LIMCH1: variants seen among roughly 807,000 people sequenced by gnomAD.
LIMCH1 encodes LIM and calponin homology domains 1.
A neutral mutation model predicts 176.5 loss-of-function variants in LIMCH1; 113 were observed. The ratio of observed to expected loss-of-function variants is 0.64; its 90% CI spans 0.55 to 0.75. The LOEUF (loss-of-function observed/expected upper bound fraction) is 0.75. LIMCH1 is among the 30% of genes least tolerant of loss of function. The probability of loss-of-function intolerance (pLI) is 0.00; values close to 1 mark genes in which losing one functional copy is unlikely to be tolerated. For synonymous variants in LIMCH1, 619 were observed against 645.9 expected (o/e 0.96, Z 0.63); for missense variants, 1,674 against 1,814.9 (o/e 0.92, Z 1.41).
In LIMCH1 at chr4:41,646,614, G is replaced by A; in HGVS notation, c.2541G>A (p.Met847Ile). 1 of 1,614,176 alleles carries A rather than the reference G, an allele frequency of 6.2e-7. No homozygotes were observed. ...ISEAVLERLE[M>I]PKILERSHST... is the part of the protein sequence containing the mutation. ...AGGCTGTTCTCGAACGCTTGGAGAT[G>A]CCAAAAATTCTGGAAAGAAGCCATT... is the stretch of plus-strand genomic sequence containing the variant. The change falls in exon 17 of 32, where the codon ATG becomes ATA. Residue 847 changes from methionine (M) to isoleucine (I), a missense_variant. Physicochemically the swap from Met to Ile is conservative, Grantham distance 10 (BLOSUM62 1). Around this residue, in one of 3 missense-constraint regions of LIMCH1, gnomAD observed 1,015 missense variants for 1,102.5 expected, o/e 0.92. Coordinates refer to ENST00000503057, the MANE Select transcript of LIMCH1 (RefSeq NM_001330672.2).
chr4:41,363,358 C>G (rs969863116), intron 1 of LIMCH1, among the ~76,000 whole-genome samples: 9 of 152,302 alleles, frequency 5.9e-5, no homozygotes, highest in Admixed American at 5.9e-4. Context: ...TGGCAGCATC[C>G]TCATTGGTAG....
chr4:41,502,909 A>T (rs1203318597), intron 2 of LIMCH1, among the ~76,000 whole-genome samples: 1 of 137,444 alleles, frequency 7.3e-6, no homozygotes, highest in Admixed American at 7.2e-5. Flanking sequence ...GAGGTAAATC[A>T]CACACACACA....
chr4:41,543,684 C>CTA (rs1300461433), intron 1 of LIMCH1, among the ~76,000 whole-genome samples: 1 of 152,314 alleles, frequency 6.6e-6, no homozygotes, highest in Non-Finnish European at 1.5e-5. Flanking sequence ...TGTCAGACCT[C>CTA]TGAGTCCCAA....
At chr4:41,418,742 G>A (rs1029283892) in intron 1 of LIMCH1, 5 of 152,142 alleles carry the variant, frequency 3.3e-5, no homozygotes, top group Non-Finnish European at 5.9e-5. Context: ...ATTTTAGAAT[G>A]CTGCTTGTGA....
intron 1 of LIMCH1, among the ~76,000 whole-genome samples, chr4:41,410,845 C>A (rs2059415039): frequency 6.6e-6 from 1 of 152,194 alleles, no homozygotes; most frequent in Admixed American, 6.5e-5. Flanking sequence ...CACTTGACTT[C>A]CATCTCATTT....
At chr4:41,591,810 G>A (rs1169667880) in intron 1 of LIMCH1, among the ~76,000 whole-genome samples, 2 of 152,070 alleles carry the variant, frequency 1.3e-5, no homozygotes, top group Non-Finnish European at 2.9e-5. Context: ...TCTCCCTATT[G>A]GGGTAAAAGA....
At chr4:41,557,579 T>G (rs534442158) in intron 1 of LIMCH1, among the ~76,000 whole-genome samples, 6 of 152,076 alleles carry the variant, frequency 3.9e-5, no homozygotes, top group Non-Finnish European at 8.8e-5. Flanking sequence ...TGTGTGTAAT[T>G]AGAATGATGA....
chr4:41,395,843 GA>G (rs56853357), intron 1 of LIMCH1, among the ~76,000 whole-genome samples: 190 of 152,294 alleles, frequency 1.2e-3, no homozygotes, highest in African/African-American at 4.4e-3. Flanking sequence ...AGACAAAAAA[GA>G]GGCAAGAATG....
chr4:41,682,577 C>A, intron 26 of LIMCH1, 117 bp downstream of exon 26: 2 of 898,892 alleles, frequency 2.2e-6, no homozygotes, highest in Non-Finnish European at 3.3e-6. Flanking sequence ...ATGAATGTTC[C>A]AGTAATACAT....
At chr4:41,418,961 G>A (rs2060188386) in intron 1 of LIMCH1, among the ~76,000 whole-genome samples, 2 of 152,030 alleles carry the variant, frequency 1.3e-5, no homozygotes, top group African/African-American at 4.8e-5. Context: ...TTTGAAATGT[G>A]GAATGATGCT....
rs567592237 is a variant in LIMCH1 at position 41,636,116 on chromosome 4, G to A, written c.2090+2308G>A. The stretch of plus-strand genomic sequence containing the variant: ...TGTAGAGGCAGAGTCTCACTATGTT[G>A]CCCAGGCTGGTCTCAAACTCCTGGC... On this transcript the variant is annotated intron_variant, in intron 13 of 31. Coordinates refer to ENST00000503057, the MANE Select transcript of LIMCH1 (RefSeq NM_001330672.2). 6.6e-5 allele frequency among the ~76,000 whole-genome samples: 10 copies of A among 151,960 alleles called. No individual in the cohort carries two copies. In the South Asian group the frequency reaches 2.1e-3, roughly 32 times the overall value.
At chr4:41,469,751 G>A (rs145430728) in intron 1 of LIMCH1, among the ~76,000 whole-genome samples, 2,521 of 151,548 alleles carry the variant, frequency 0.017, 66 homozygotes, top group African/African-American at 0.057. Flanking sequence ...GCACAATCTC[G>A]GCTCACTGCA....
intron 29 of LIMCH1, among the ~76,000 whole-genome samples, chr4:41,688,167 G>C (rs1213890354): frequency 6.6e-6 from 1 of 152,216 alleles, no homozygotes; most frequent in African/African-American, 2.4e-5. Flanking sequence ...TAATTACATT[G>C]TGTGGAACCT....
rs2060376073 is a variant in LIMCH1 at position 41,419,657 on chromosome 4, CTTCCTTCCT to C, written c.96+58723_96+58731del. Among the ~76,000 whole-genome samples the C allele has an allele frequency of 2.8e-4, 21 of 75,348 alleles. 1 individual carries two copies. The highest frequency in any genetic ancestry group is 3.1e-4 in the Admixed American group (2 of 6,502). 49.4% of individuals were successfully genotyped at this position (75,348 alleles called of 152,430 possible). A position where few individuals can be genotyped will look rare whatever the true frequency, so the allele number is the denominator to read the frequency against. On this transcript the variant is annotated intron_variant, in intron 1 of 26. Transcript: ENST00000313860. ...TTCCTCCTTCCTTTCTTCCTCCTTC[CTTCCTTCCT>C]TCCTTCCTTCCTTCCTCCTTCCTTC...
At chr4:41,444,212 G>A (rs929080617) in intron 1 of LIMCH1, among the ~76,000 whole-genome samples, 1 of 151,476 alleles carries the variant, frequency 6.6e-6, no homozygotes, top group African/African-American at 2.4e-5. Context: ...TAAAAATTCT[G>A]TTTTTACTAC....
At chr4:41,401,300 A>G (rs1296776758) in intron 1 of LIMCH1, among the ~76,000 whole-genome samples, 5 of 152,192 alleles carry the variant, frequency 3.3e-5, no homozygotes, top group African/African-American at 9.7e-5. Flanking sequence ...TCCTTTCCCC[A>G]CTGCTTGTTT....
intron 1 of LIMCH1, among the ~76,000 whole-genome samples, chr4:41,576,509 A>G (rs2084486097): frequency 6.6e-6 from 1 of 152,212 alleles, no homozygotes; most frequent in Non-Finnish European, 1.5e-5. Context: ...AGAGGTTTTC[A>G]TTGCAGCATT....
chr4:41,396,890 A>G (rs545417129), intron 1 of LIMCH1, among the ~76,000 whole-genome samples: 93 of 151,692 alleles, frequency 6.1e-4, no homozygotes, highest in Non-Finnish European at 1.2e-3. Flanking sequence ...ACAGAGCAAG[A>G]CTGTCTCAAA....
intron 1 of LIMCH1, among the ~76,000 whole-genome samples, chr4:41,562,534 C>T (rs1004301577): frequency 6.6e-6 from 1 of 152,136 alleles, no homozygotes; most frequent in Non-Finnish European, 1.5e-5. Context: ...AGCATGGGTC[C>T]AGTCATTCTG....
Sources: allele counts gnomAD v4.1 joint callset (sites outside exome capture counted in the v4.1 genomes callset), GRCh38; gene constraint gnomAD v4.1.1; regional missense constraint gnomAD v4.1.1; transcripts MANE v1.5; gene names NCBI Gene and HGNC (gene_info 2026-07-23, HGNC 2026-07-21).